GAB2: variants seen among roughly 807,000 people sequenced by gnomAD.
GAB2 encodes the protein GRB2-associated-binding protein 2.
A neutral mutation model predicts 65.5 loss-of-function variants in GAB2; 26 were observed. The ratio of observed to expected loss-of-function variants is 0.40; its 90% CI spans 0.29 to 0.55. The LOEUF is 0.55. Among genes scored for constraint, GAB2 ranks in the 20% least tolerant of loss-of-function variants. GAB2 has a pLI of 0.53. For missense variants in GAB2, 884 were observed against 875.8 expected, an observed-to-expected ratio of 1.01 and a Z score of -0.12; for synonymous variants, 321 against 329.6, an observed-to-expected ratio of 0.97 and a Z score of 0.28.
At chr11:78,299,789 T>C (rs867606942) in intron 1 of GAB2, among the ~76,000 whole-genome samples, 7 of 152,224 alleles carry the variant, frequency 4.6e-5, no homozygotes, top group South Asian at 2.1e-4. Flanking sequence ...GCTTGAAGTA[T>C]TGCATATGTA....
intron 1 of GAB2, among the ~76,000 whole-genome samples, chr11:78,416,728 C>T (rs974121479): frequency 6.6e-6 from 1 of 151,330 alleles, no homozygotes; most frequent in Non-Finnish European, 1.5e-5. Flanking sequence ...GTAACTGGCA[C>T]CATCTTGTAC....
Position 78,321,778 on chromosome 11 carries a change from T to C in GAB2, c.76-40877A>G, listed in dbSNP as rs1202467728. Among the ~76,000 whole-genome samples the C allele has an allele frequency of 3.3e-5, 5 of 151,942 alleles. No individual in the cohort carries two copies. The East Asian group carries it at 5.8e-4, about 18-fold the overall frequency. On this transcript the variant is annotated intron_variant, in intron 1 of 9. Transcript: ENST00000361507. ...CTATTGTAACCAACACAGCATGGTA[T>C]TGTTACAAAAACAGACATGTAGACC...
chr11:78,275,203 A>G (rs1866132033), intron 2 of GAB2, among the ~76,000 whole-genome samples: 1 of 152,172 alleles, frequency 6.6e-6, no homozygotes. Flanking sequence ...TGGGGCTGAT[A>G]AGAGTTGGGT....
intron 3 of GAB2, among the ~76,000 whole-genome samples, chr11:78,232,624 A>AT (rs1554975252): frequency 6.6e-6 from 1 of 152,248 alleles, no homozygotes; most frequent in Non-Finnish European, 1.5e-5. Context: ...CATATTATCT[A>AT]GTACTTGAAG....
intron 1 of GAB2, among the ~76,000 whole-genome samples, chr11:78,408,025 T>C (rs1056613382): frequency 2.6e-5 from 4 of 152,042 alleles, no homozygotes; most frequent in Non-Finnish European, 4.4e-5. Flanking sequence ...CTGGCCAATC[T>C]ACCCTAAAGA....
At chr11:78,314,835 A>C (rs1343098924) in intron 1 of GAB2, among the ~76,000 whole-genome samples, 1 of 152,224 alleles carries the variant, frequency 6.6e-6, no homozygotes, top group Non-Finnish European at 1.5e-5. Flanking sequence ...CCACAATGCT[A>C]CTGGGACGCA....
At chr11:78,268,373 C>T (rs979584572) in intron 2 of GAB2, among the ~76,000 whole-genome samples, 4 of 152,196 alleles carry the variant, frequency 2.6e-5, no homozygotes, top group South Asian at 2.1e-4. Flanking sequence ...TCCTACGTAG[C>T]GCTACACATA....
chr11:78,326,460 A>G (rs1039297415), intron 1 of GAB2, among the ~76,000 whole-genome samples: 2 of 151,992 alleles, frequency 1.3e-5, no homozygotes, highest in African/African-American at 4.8e-5. Flanking sequence ...AGTAAACCCT[A>G]CTGAATCAAG....
At position 78,219,172 on chromosome 11, in the gene GAB2, A is replaced by G; in HGVS notation, c.*100T>C. The G allele has an allele frequency of 9.0e-7, 1 of 1,115,674 alleles. No homozygotes were observed. Among genetic ancestry groups the G allele is most frequent in the Non-Finnish European group, 1.3e-6 (1 of 759,258 alleles). The allele number at this position is 1,115,674 out of a possible 1,614,324, so 69.1% of individuals were successfully genotyped here. On this transcript the variant is annotated 3_prime_UTR_variant, in exon 10 of 10. Coordinates refer to ENST00000361507, the MANE Select transcript of GAB2 (RefSeq NM_080491.3). ...TTGAAGGCTGAGACTGGCAGAGTAGAGAGGAGGTGGATGGGAGGAAGAACG... is the reference window on the plus strand; with the variant it reads ...TTGAAGGCTGAGACTGGCAGAGTAGGGAGGAGGTGGATGGGAGGAAGAACG...
rs564001186 is a variant in GAB2 at position 78,266,731 on chromosome 11, C to G, written c.376+13870G>C. On this transcript the variant is annotated intron_variant, in intron 2 of 9. Transcript: ENST00000361507. ...GACATAGAGGAGGCAGAGAGAATCA[C>G]TAAGAGGAGTTCCAAGGCTGGTTTG... Among the ~76,000 whole-genome samples, 56 of 152,220 alleles carry G rather than the reference C, an allele frequency of 3.7e-4. 2 individuals are homozygous for G. Among genetic ancestry groups the G allele is most frequent in the South Asian group, 3.1e-3 (15 of 4,826 alleles).
intron 1 of GAB2, among the ~76,000 whole-genome samples, chr11:78,364,486 A>C (rs1289158595): frequency 6.6e-6 from 1 of 152,242 alleles, no homozygotes; most frequent in African/African-American, 2.4e-5. Context: ...GACACAATAC[A>C]TGCTACTTTT....
chr11:78,398,225 G>A (rs1199192425), intron 1 of GAB2, among the ~76,000 whole-genome samples: 2 of 152,154 alleles, frequency 1.3e-5, no homozygotes, highest in African/African-American at 4.8e-5. Flanking sequence ...CTGTCTACCC[G>A]AGAAAATCTT....
In GAB2 at chr11:78,215,632, A is replaced by T. The variant is rs949523843; in HGVS notation, c.*3640T>A. The T allele has an allele frequency of 6.6e-6, 1 of 152,326 alleles. No individual in the cohort carries two copies. The highest frequency in any genetic ancestry group is 2.4e-5 in the African/African-American group (1 of 41,452). The allele number at this position is 152,326 out of a possible 1,614,324, so 9.4% of individuals were successfully genotyped here. ...TCTGCGTGAAATAATTCTAGATTTC[A>T]AGACACAAGTAGCCAACAAATACAC... On this transcript the variant is annotated 3_prime_UTR_variant, in exon 10 of 10. Transcript: ENST00000361507.
intron 1 of GAB2, among the ~76,000 whole-genome samples, chr11:78,302,650 C>T (rs2134628916): frequency 6.6e-6 from 1 of 152,240 alleles, no homozygotes; most frequent in South Asian, 2.1e-4. Context: ...GTAGAACTAC[C>T]ATTTGATCCA....
intron 1 of GAB2, among the ~76,000 whole-genome samples, chr11:78,378,380 T>C (rs990898649): frequency 1.3e-5 from 2 of 152,240 alleles, no homozygotes; most frequent in African/African-American, 4.8e-5. Context: ...TTCCTTATTA[T>C]CATACCATTA....
intron 1 of GAB2, among the ~76,000 whole-genome samples, chr11:78,399,770 G>A (rs1321718541): frequency 6.6e-6 from 1 of 152,074 alleles, no homozygotes; most frequent in Admixed American, 6.5e-5. Context: ...ACCTCCCCCA[G>A]TACTTAATAC....
At chr11:78,265,880 A>C (rs771974046) in intron 2 of GAB2, among the ~76,000 whole-genome samples, 28 of 152,186 alleles carry the variant, frequency 1.8e-4, no homozygotes, top group Non-Finnish European at 3.7e-4. Flanking sequence ...TTTTAAAAAG[A>C]ATTTTGTGTA....
intron 1 of GAB2, among the ~76,000 whole-genome samples, chr11:78,389,516 C>T (rs189696492): frequency 5.6e-4 from 85 of 152,270 alleles, no homozygotes; most frequent in African/African-American, 1.8e-3. Context: ...CCATGTTGGT[C>T]AGACTGGTCT....
At chr11:78,416,772 G>A (rs7113878) in intron 1 of GAB2, among the ~76,000 whole-genome samples, 22 of 142,554 alleles carry the variant, frequency 1.5e-4, no homozygotes, top group African/African-American at 5.9e-4. Flanking sequence ...CCTCTGGGGA[G>A]AGGGGTTAAA....
Sources: gnomAD v4.1 joint callset for allele counts (sites outside exome capture counted in the v4.1 genomes callset) on GRCh38, gnomAD v4.1.1 for gene constraint, MANE v1.5 for transcripts, NCBI Gene and HGNC (gene_info 2026-07-23, HGNC 2026-07-21) for gene names.